CDH2: variants seen among roughly 807,000 people sequenced by gnomAD.
CDH2 encodes cadherin 2, also known as cadherin-2.
In CDH2, 17 loss-of-function variants were observed where a neutral mutation model predicts 92.0. The observed-to-expected ratio is 0.18, with a 90% CI of 0.13 to 0.28. CDH2 has a LOEUF of 0.28. Among genes scored for constraint, CDH2 ranks in the 10% least tolerant of loss-of-function variants. The pLI is 1.00. For synonymous variants in CDH2, 419 were observed against 415.9 expected (o/e 1.01, Z -0.09); for missense variants, 862 against 1,133.1 (o/e 0.76, Z 3.44).
chr18:28,055,834 T>G (rs527806349), intron 2 of CDH2, among the ~76,000 whole-genome samples: 1 of 152,280 alleles, frequency 6.6e-6, no homozygotes, highest in Admixed American at 6.5e-5. Flanking sequence ...TATTTTTCTA[T>G]GGGGAAGCCC....
intron 2 of CDH2, among the ~76,000 whole-genome samples, chr18:28,092,997 T>A (rs2015064027): frequency 6.6e-6 from 1 of 152,136 alleles, no homozygotes; most frequent in African/African-American, 2.4e-5. Context: ...CACCGAGTTG[T>A]CACATCTGTC....
chr18:28,028,412 A>C (rs190357243), intron 2 of CDH2, among the ~76,000 whole-genome samples: 1 of 152,282 alleles, frequency 6.6e-6, no homozygotes, highest in East Asian at 1.9e-4. Context: ...CACACTAACT[A>C]AAATTAAAGT....
rs1267292575 is a variant in CDH2, at chr18:27,951,160, CCTTTT to C, written c.*988_*992del. The C allele has an allele frequency of 4.1e-5, 2 of 48,304 alleles. No homozygotes were observed. Among genetic ancestry groups the C allele is most frequent in the African/African-American group, 1.0e-4 (2 of 19,326 alleles). 3.0% of individuals were successfully genotyped at this position (48,304 alleles called of 1,614,324 possible). ...GTCAGGCCACCCCTTTCTTTCCTTTCCTTTTTTTTTTTTTTTGGTACAAATTATGT... is the reference window on the plus strand; with the variant it reads ...GTCAGGCCACCCCTTTCTTTCCTTTCTTTTTTTTTTTGGTACAAATTATGT... On this transcript the variant is annotated 3_prime_UTR_variant, in exon 16 of 16. Transcript: ENST00000269141.
intron 6 of CDH2, among the ~76,000 whole-genome samples, chr18:27,945,876 ATGT>A (rs1324927364): frequency 6.6e-6 from 1 of 152,230 alleles, no homozygotes; most frequent in Non-Finnish European, 1.5e-5. Flanking sequence ...TAGGACATAC[ATGT>A]TGTTTAAAAT....
chr18:28,010,686 G>A (rs184211448), intron 4 of CDH2, among the ~76,000 whole-genome samples: 13 of 151,228 alleles, frequency 8.6e-5, no homozygotes, highest in Admixed American at 3.3e-4. Context: ...TTTTTGCGGG[G>A]GGGGAAGGAG....
At position 27,985,202 on chromosome 18, in the gene CDH2, T is replaced by A. The variant is rs1418219005; in HGVS notation, c.2007A>T (p.Lys669Asn). ...GDFAQLNLKI[K>N]FLEAGIYEVP... ...CTTCATAGATACCAGCTTCAAGAAA[T>A]TTTATCTTTAAATTAAGCTGAGCAA... The change falls in exon 13 of 16, where the codon AAA becomes AAT. Residue 669 changes from lysine (K) to asparagine (N), a missense_variant. Coordinates refer to ENST00000269141, the MANE Select transcript of CDH2 (RefSeq NM_001792.5). The A allele has an allele frequency of 3.7e-6, 6 of 1,611,418 alleles. No individual in the cohort carries two copies. Among genetic ancestry groups the A allele is most frequent in the Non-Finnish European group, 5.1e-6 (6 of 1,177,744 alleles).
At chr18:28,005,688 G>A (rs1244692989) in intron 6 of CDH2, among the ~76,000 whole-genome samples, 161 bp downstream of exon 6, 1 of 151,886 alleles carries the variant, frequency 6.6e-6, no homozygotes, top group African/African-American at 2.4e-5. Context: ...TCTTCAATTG[G>A]TTTTTCCCTA....
intron 2 of CDH2, among the ~76,000 whole-genome samples, chr18:28,073,592 C>T (rs4800841): frequency 0.16 from 24,308 of 152,028 alleles, 2,272 homozygotes; most frequent in East Asian, 0.3. Context: ...TCTTAGCTTA[C>T]TAAAGGCAGA....
chr18:28,085,639 C>T (rs11876109), intron 2 of CDH2, among the ~76,000 whole-genome samples: 24,267 of 152,030 alleles, frequency 0.16, 2,234 homozygotes, highest in East Asian at 0.3. Context: ...TAAATACCTA[C>T]TTTGTACTGA....
chr18:27,980,188 G>A (rs1392453089), intron 14 of CDH2, among the ~76,000 whole-genome samples: 2 of 152,162 alleles, frequency 1.3e-5, no homozygotes, highest in African/African-American at 2.4e-5. Flanking sequence ...TTAAGTCACC[G>A]TGAGTCAACA....
chr18:28,014,002 A>G (rs949336085), intron 2 of CDH2, 93 bp from the exon 3 acceptor site: 1 of 790,252 alleles, frequency 1.3e-6, no homozygotes, highest in Non-Finnish European at 2.0e-6. Flanking sequence ...TGCTTAGGTT[A>G]AAGGATAAAA....
rs140435920 is a variant in CDH2 at position 27,967,758 on chromosome 18, T to C, written c.2350-4237A>G. 9.2e-5 allele frequency among the ~76,000 whole-genome samples: 14 copies of C among 152,322 alleles called. No homozygotes were observed. In the East Asian group the frequency reaches 2.5e-3, roughly 27 times the overall value. On this transcript the variant is annotated intron_variant, in intron 14 of 15. Coordinates refer to ENST00000269141, the MANE Select transcript of CDH2 (RefSeq NM_001792.5). ...GTAACTTAAATTTTTTTTTGGTCTATGATTTAAAATGTCTTAAGGGCGATA... is the reference window on the plus strand; with the variant it reads ...GTAACTTAAATTTTTTTTTGGTCTACGATTTAAAATGTCTTAAGGGCGATA...
chr18:27,973,607 G>A (rs1301237470), intron 14 of CDH2, among the ~76,000 whole-genome samples: 4 of 152,190 alleles, frequency 2.6e-5, no homozygotes, highest in Non-Finnish European at 4.4e-5. Flanking sequence ...CATTGTGGGT[G>A]AGGTAAAAAG....
chr18:28,114,858 C>T (rs942041779), intron 2 of CDH2, among the ~76,000 whole-genome samples: 4 of 151,738 alleles, frequency 2.6e-5, no homozygotes, highest in Non-Finnish European at 5.9e-5. Flanking sequence ...ATGTATTCTT[C>T]TCCATCTAAA....
At chr18:27,956,322 T>TAAAG (rs1299218300) in intron 15 of CDH2, among the ~76,000 whole-genome samples, 8 of 152,208 alleles carry the variant, frequency 5.3e-5, no homozygotes, top group Non-Finnish European at 1.2e-4. Flanking sequence ...AACTGTCTTC[T>TAAAG]AAAGACTGAG....
At position 27,963,698 on chromosome 18, in the gene CDH2, T is replaced by C. The variant is rs3745045; in HGVS notation, c.2350-177A>G. 0.17 allele frequency: 99,801 copies of C among 585,416 alleles called. 10,472 individuals carry two copies. The highest frequency in any genetic ancestry group is 0.4 in the East Asian group (13,897 of 34,754). The allele number at this position is 585,416 out of a possible 1,614,324, so 36.3% of individuals were successfully genotyped here. A position where few individuals can be genotyped will look rare whatever the true frequency, so the allele number is the denominator to read the frequency against. The stretch of plus-strand genomic sequence containing the variant: ...TTAAATATTTCTTTCACACAGCTCT[T>C]TCTTCTGTGCTTTTCATTTCTACAG... On this transcript the variant is annotated intron_variant, in intron 14 of 15. Coordinates refer to ENST00000269141, the MANE Select transcript of CDH2 (RefSeq NM_001792.5).
intron 2 of CDH2, among the ~76,000 whole-genome samples, chr18:28,100,514 C>T (rs932492490): frequency 1.4e-5 from 2 of 140,130 alleles, no homozygotes; most frequent in Admixed American, 1.3e-4. Context: ...TCCATAATCC[C>T]ATGAGCTAAT....
In CDH2 at chr18:27,992,695, G is replaced by T; in HGVS notation, c.1304C>A (p.Thr435Asn). The T allele has an allele frequency of 6.2e-7, 1 of 1,613,808 alleles. No homozygotes were observed. The highest frequency in any genetic ancestry group is 8.5e-7 in the Non-Finnish European group (1 of 1,179,854). ...GDPTGRFAIQ[T>N]DPNSNDGLVT... is the part of the protein sequence containing the mutation. The stretch of plus-strand genomic sequence containing the variant: ...TAACCCGTCGTTGCTGTTTGGGTCG[G>T]TCTGGATGGCGAACCGTCCAGTAGG... Residue 435 changes from threonine (T) to asparagine (N), a missense_variant, in exon 9 of 16, where the codon ACC (threonine) becomes AAC (asparagine). Physicochemically the swap from Thr to Asn is moderately conservative, Grantham distance 65. Around this residue, in one of 5 missense-constraint regions of CDH2, gnomAD observed 564 missense variants for 722.2 expected, o/e 0.78. Coordinates refer to ENST00000269141, the MANE Select transcript of CDH2 (RefSeq NM_001792.5).
At chr18:28,133,369 G>C (rs1268652128) in intron 2 of CDH2, among the ~76,000 whole-genome samples, 1 of 151,916 alleles carries the variant, frequency 6.6e-6, no homozygotes, top group Non-Finnish European at 1.5e-5. Flanking sequence ...GGATCGTGAG[G>C]TCAGGAGATC....
Sources: gnomAD v4.1 joint callset for allele counts (sites outside exome capture counted in the v4.1 genomes callset) on GRCh38, gnomAD v4.1.1 for gene constraint, gnomAD v4.1.1 regional missense constraint, MANE v1.5 for transcripts, NCBI Gene and HGNC (gene_info 2026-07-23, HGNC 2026-07-21) for gene names.